Variants in ATF7 observed in about 807,000 individuals in gnomAD.
ATF7 encodes cyclic AMP-dependent transcription factor ATF-7.
A neutral mutation model predicts 50.4 loss-of-function variants in ATF7; 10 were observed. The observed-to-expected ratio is 0.20, with a 90% CI of 0.12 to 0.34. The LOEUF is 0.34. Among genes scored for constraint, ATF7 ranks in the 10% least tolerant of loss-of-function variants. The probability of loss-of-function intolerance (pLI) is 1.00; values close to 1 mark genes in which losing one functional copy is unlikely to be tolerated. For synonymous variants in ATF7, 201 were observed against 226.4 expected, an observed-to-expected ratio of 0.89 and a Z score of 1.01; for missense variants, 465 against 613.9, an observed-to-expected ratio of 0.76 and a Z score of 2.56.
chr12:53,517,040 T>G lies in ATF7; in HGVS notation c.*97A>C. On this transcript the variant is annotated 3_prime_UTR_variant, in exon 12 of 12. Coordinates refer to ENST00000420353, the MANE Select transcript of ATF7 (RefSeq NM_006856.3). ...AACACACAATTCCCCCCACCCATAT[T>G]GCCATGTCCAAGGCAGATGGGAGGG... The G allele has an allele frequency of 7.6e-7, 1 of 1,319,738 alleles. No homozygotes were observed. Among genetic ancestry groups the G allele is most frequent in the Non-Finnish European group, 1.1e-6 (1 of 936,968 alleles). The allele number at this position is 1,319,738 out of a possible 1,614,324, so 81.8% of individuals were successfully genotyped here.
intron 2 of ATF7, among the ~76,000 whole-genome samples, chr12:53,572,768 G>A (rs1941839280): frequency 6.6e-6 from 1 of 151,878 alleles, no homozygotes. Context: ...GTGATAGAGT[G>A]AGACCCTGCC....
In ATF7 at chr12:53,515,878, TA is replaced by T. The variant is rs1161249318; in HGVS notation, c.*1258del. The T allele has an allele frequency of 6.6e-6, 1 of 152,336 alleles. No individual in the cohort carries two copies. The highest frequency in any genetic ancestry group is 1.9e-4 in the East Asian group (1 of 5,202). 9.4% of individuals were successfully genotyped at this position (152,336 alleles called of 1,614,324 possible). On this transcript the variant is annotated 3_prime_UTR_variant, in exon 12 of 12. Transcript: ENST00000420353. ...TGGAGGACCTGGAAGACCTAGTGGC[TA>T]AGCTAGGAACCTGGTGAAAGAGAAA...
At chr12:53,509,888 C>T (rs530980325), downstream of ATF7, among the ~76,000 whole-genome samples, 20 of 152,166 alleles carry the variant, frequency 1.3e-4, no homozygotes, top group East Asian at 1.4e-3. Context: ...CCTTTAGACA[C>T]GTAGATTAGA....
chr12:53,551,077 T>A (rs1940324747), intron 3 of ATF7, among the ~76,000 whole-genome samples: 1 of 152,078 alleles, frequency 6.6e-6, no homozygotes, highest in Non-Finnish European at 1.5e-5. Context: ...AATACTACAA[T>A]TTTTTTATGA....
intron 5 of ATF7, among the ~76,000 whole-genome samples, chr12:53,535,342 A>G (rs1003482536): frequency 1.3e-5 from 2 of 151,694 alleles, no homozygotes; most frequent in African/African-American, 4.9e-5. Flanking sequence ...AAAAAAAAAA[A>G]AAAGAAAAGG....
chr12:53,585,462 C>T (rs1942635057), intron 2 of ATF7, among the ~76,000 whole-genome samples: 2 of 151,990 alleles, frequency 1.3e-5, no homozygotes, highest in East Asian at 1.9e-4. Flanking sequence ...TGAGAATCCT[C>T]TGCACTTTTC....
At chr12:53,616,334 C>T (rs573618491) in intron 1 of ATF7, among the ~76,000 whole-genome samples, 8 of 152,164 alleles carry the variant, frequency 5.3e-5, no homozygotes, top group African/African-American at 1.7e-4. Flanking sequence ...GTAATCCTCC[C>T]GCGTTGGCCT....
intron 2 of ATF7, among the ~76,000 whole-genome samples, chr12:53,573,679 G>A (rs1941899049): frequency 6.6e-6 from 1 of 152,044 alleles, no homozygotes; most frequent in African/African-American, 2.4e-5. Context: ...GAATAAGGGG[G>A]GACTACTGGA....
intron 2 of ATF7, among the ~76,000 whole-genome samples, chr12:53,595,917 G>A (rs1223522540): frequency 1.3e-5 from 2 of 152,124 alleles, no homozygotes; most frequent in Non-Finnish European, 2.9e-5. Flanking sequence ...AAGAAGATCT[G>A]ACAGTAGATC....
intron 2 of ATF7, among the ~76,000 whole-genome samples, chr12:53,587,844 T>TATA (rs1491300296): frequency 0.015 from 606 of 40,712 alleles, 6 homozygotes; most frequent in South Asian, 0.054. Flanking sequence ...TATATATATA[T>TATA]TTTTTTTTTT....
intron 2 of ATF7, among the ~76,000 whole-genome samples, chr12:53,593,484 T>G (rs1042772097): frequency 1.3e-5 from 2 of 152,198 alleles, no homozygotes; most frequent in Admixed American, 1.3e-4. Context: ...TTGAGCAGAA[T>G]GTTGAAATTA....
chr12:53,592,415 A>G (rs1028496499), intron 2 of ATF7, among the ~76,000 whole-genome samples: 18 of 152,256 alleles, frequency 1.2e-4, no homozygotes, highest in Admixed American at 1.3e-4. Context: ...AAAAAGCAAC[A>G]TCTCCCTACA....
At chr12:53,582,588 A>G (rs1942483208) in intron 2 of ATF7, among the ~76,000 whole-genome samples, 1 of 152,034 alleles carries the variant, frequency 6.6e-6, no homozygotes, top group African/African-American at 2.4e-5. Flanking sequence ...TTATTTATTT[A>G]TTTATTTTGA....
At chr12:53,587,226 G>A (rs1303632929) in intron 2 of ATF7, among the ~76,000 whole-genome samples, 1 of 151,704 alleles carries the variant, frequency 6.6e-6, no homozygotes, top group Admixed American at 6.6e-5. Flanking sequence ...AATTAGCTGG[G>A]CTTGGTGGTG....
At position 53,540,135 on chromosome 12, in the gene ATF7, G is replaced by C. The variant is rs567083651; in HGVS notation, c.265-2583C>G. On this transcript the variant is annotated intron_variant, in intron 4 of 11. Transcript: ENST00000420353. The stretch of plus-strand genomic sequence containing the variant: ...TGGGAAGCTGAGGTGGGTGGATCAT[G>C]AGGTCAAGAGTTCGAGACCAGCCAG... Among the ~76,000 whole-genome samples, 14 of 151,786 alleles carry C rather than the reference G, an allele frequency of 9.2e-5. No individual in the cohort carries two copies. In the South Asian group the frequency reaches 2.7e-3, roughly 29 times the overall value.
chr12:53,508,483 C>T (rs988242378), downstream of ATF7, among the ~76,000 whole-genome samples: 2 of 149,446 alleles, frequency 1.3e-5, no homozygotes, highest in African/African-American at 2.5e-5. Flanking sequence ...TCGCTTGAAT[C>T]GGGGAGGCAG....
At position 53,512,420 on chromosome 12, in the gene ATF7, C is replaced by T. The variant is rs1944156998; in HGVS notation, c.*4717G>A. On this transcript the variant is annotated 3_prime_UTR_variant, in exon 12 of 12. Coordinates refer to ENST00000420353, the MANE Select transcript of ATF7 (RefSeq NM_006856.3). The stretch of plus-strand genomic sequence containing the variant: ...TCCTTGATAAGATGGAGAGGTGTTG[C>T]TACATGTCAAAAATATATAGATGAA... 1 of 152,182 alleles carries T rather than the reference C, an allele frequency of 6.6e-6. No homozygotes were observed. The highest frequency in any genetic ancestry group is 1.5e-5 in the Non-Finnish European group (1 of 68,040). 9.4% of individuals were successfully genotyped at this position (152,182 alleles called of 1,614,324 possible).
At chr12:53,559,052 T>A (rs749788219) in intron 2 of ATF7, among the ~76,000 whole-genome samples, 43 of 151,324 alleles carry the variant, frequency 2.8e-4, no homozygotes, top group Admixed American at 3.3e-4. Flanking sequence ...GAGGCCGAGG[T>A]TGGAGGATGG....
Position 53,591,249 on chromosome 12 carries a change from C to T in ATF7, c.48+9704G>A, listed in dbSNP as rs547852907. Among the ~76,000 whole-genome samples the T allele has an allele frequency of 5.3e-5, 8 of 151,968 alleles. No individual in the cohort carries two copies. The South Asian group carries it at 1.2e-3, about 24-fold the overall frequency. On this transcript the variant is annotated intron_variant, in intron 2 of 11. Coordinates refer to ENST00000420353, the MANE Select transcript of ATF7 (RefSeq NM_006856.3). ...ACTGGCGAATAATCCCCACCAGTAC[C>T]ACGGCTAATAAGAGCCAAGATAAGC...
Sources: allele counts gnomAD v4.1 joint callset (sites outside exome capture counted in the v4.1 genomes callset), GRCh38; gene constraint gnomAD v4.1.1; transcripts MANE v1.5; gene names NCBI Gene and HGNC (gene_info 2026-07-23, HGNC 2026-07-21).